Variants in STARD13 observed in about 807,000 individuals in gnomAD.
The protein encoded by STARD13 is StAR related lipid transfer domain containing 13.
In STARD13, 62 loss-of-function variants were observed where a neutral mutation model predicts 106.4. The observed-to-expected ratio is 0.58, with a 90% CI of 0.48 to 0.72. The LOEUF (loss-of-function observed/expected upper bound fraction) is 0.72. Ranked by LOEUF, STARD13 falls within the 30% of genes least tolerant of loss-of-function variation. The pLI is 0.00. For missense variants in STARD13, 1,387 were observed against 1,424.0 expected, an observed-to-expected ratio of 0.97 and a Z score of 0.42; for synonymous variants, 565 against 553.0, an observed-to-expected ratio of 1.02 and a Z score of -0.31.
At chr13:33,654,162 C>A in the STARD13 span, among the ~76,000 whole-genome samples, 1 of 152,164 alleles carries the variant, frequency 6.6e-6, no homozygotes, top group African/African-American at 2.4e-5. Flanking sequence ...CAATTCCATT[C>A]CTAAGTATGT....
chr13:33,301,568 C>CT (rs11393186), intron 1 of STARD13, among the ~76,000 whole-genome samples: 31,419 of 71,752 alleles, frequency 0.44, 4,301 homozygotes, highest in East Asian at 0.71. Flanking sequence ...CTTTTTTTTT[C>CT]TTTTTTTTTT....
chr13:33,167,635 A>G lies in STARD13; in HGVS notation c.170-13T>C. 6.2e-7 allele frequency: 1 copy of G among 1,613,800 alleles called. No homozygotes were observed. Among genetic ancestry groups the G allele is most frequent in the Non-Finnish European group, 8.5e-7 (1 of 1,179,756 alleles). ...TTTGCCTCAATTTCTGAAAAACACA[A>G]GAGAGATAAAATTGTGAGTCCCACA... On this transcript the variant is annotated splice_polypyrimidine_tract_variant and intron_variant, in intron 1 of 13. Transcript: ENST00000336934.
chr13:33,617,547 G>A, the STARD13 span, among the ~76,000 whole-genome samples: 1 of 152,114 alleles, frequency 6.6e-6, no homozygotes, highest in Non-Finnish European at 1.5e-5. Context: ...GCTTTGAAAT[G>A]ACTCAAATAA....
At chr13:33,115,968 G>T (rs1593867430) in intron 8 of STARD13, among the ~76,000 whole-genome samples, 1 of 152,334 alleles carries the variant, frequency 6.6e-6, no homozygotes, top group South Asian at 2.1e-4. Flanking sequence ...TGTACTTATT[G>T]TTTAAATGAC....
intron 1 of STARD13, among the ~76,000 whole-genome samples, chr13:33,274,312 G>T (rs954153357): frequency 6.6e-6 from 1 of 152,022 alleles, no homozygotes; most frequent in Admixed American, 6.6e-5. Flanking sequence ...CTTTACAAGA[G>T]GAGATTAAGA....
At chr13:33,157,596 T>A (rs1425264179) in intron 3 of STARD13, among the ~76,000 whole-genome samples, 1 of 152,124 alleles carries the variant, frequency 6.6e-6, no homozygotes, top group Non-Finnish European at 1.5e-5. Flanking sequence ...CTTGAACTTG[T>A]GAGGTGGAGG....
intron 7 of STARD13, among the ~76,000 whole-genome samples, chr13:33,122,544 A>G (rs1172912920): frequency 6.6e-6 from 1 of 152,234 alleles, no homozygotes; most frequent in African/African-American, 2.4e-5. Flanking sequence ...ATGGCATAAC[A>G]GGTCCTGCTG....
chr13:33,160,654 C>T (rs1457439615), intron 3 of STARD13, among the ~76,000 whole-genome samples: 2 of 151,940 alleles, frequency 1.3e-5, no homozygotes, highest in South Asian at 2.1e-4. Context: ...TAAAAGAAGA[C>T]GTATGGATGG....
chr13:33,318,764 T>C (rs532135819), intron 1 of STARD13, among the ~76,000 whole-genome samples: 144 of 152,204 alleles, frequency 9.5e-4, no homozygotes, highest in Middle Eastern at 3.4e-3. Flanking sequence ...GATTTGAATA[T>C]ACATCTTCCC....
At chr13:33,524,806 A>C in the STARD13 span, among the ~76,000 whole-genome samples, 1 of 152,098 alleles carries the variant, frequency 6.6e-6, no homozygotes, top group Non-Finnish European at 1.5e-5. Flanking sequence ...TGGTTAAATC[A>C]AGCTAATTAA....
the STARD13 span, among the ~76,000 whole-genome samples, chr13:33,668,716 T>G: frequency 1.3e-5 from 2 of 152,192 alleles, no homozygotes; most frequent in Admixed American, 1.3e-4. Context: ...AAGGCCCTAT[T>G]TTGTTAAAGC....
At chr13:33,612,937 T>A in the STARD13 span, among the ~76,000 whole-genome samples, 1 of 152,230 alleles carries the variant, frequency 6.6e-6, no homozygotes, top group African/African-American at 2.4e-5. Context: ...AGGCTCGTCT[T>A]CCAGTCATTT....
At chr13:33,596,098 C>G in the STARD13 span, among the ~76,000 whole-genome samples, 3 of 152,102 alleles carry the variant, frequency 2.0e-5, no homozygotes, top group African/African-American at 7.2e-5. Flanking sequence ...TTGTTCTCAG[C>G]TGTGATTTAT....
At chr13:33,617,565 C>G in the STARD13 span, among the ~76,000 whole-genome samples, 2 of 152,122 alleles carry the variant, frequency 1.3e-5, no homozygotes, top group Non-Finnish European at 2.9e-5. Flanking sequence ...TAATTAGGTT[C>G]AGCTCACCCA....
intron 1 of STARD13, among the ~76,000 whole-genome samples, chr13:33,187,164 T>G (rs1885841702): frequency 6.6e-6 from 1 of 152,178 alleles, no homozygotes; most frequent in African/African-American, 2.4e-5. Flanking sequence ...CGTTTCTGTT[T>G]AAGAGCATTG....
chr13:33,622,065 A>G, the STARD13 span, among the ~76,000 whole-genome samples: 5 of 152,066 alleles, frequency 3.3e-5, no homozygotes, highest in South Asian at 2.1e-4. Flanking sequence ...TTAGCCTCCC[A>G]AAGTGCTGGG....
chr13:33,648,406 C>T, the STARD13 span, among the ~76,000 whole-genome samples: 423 of 152,326 alleles, frequency 2.8e-3, 1 homozygote, highest in African/African-American at 9.3e-3. Context: ...GGGGTCAAAT[C>T]GTAGCTCTGC....
At chr13:33,122,245 G>C (rs1876445128) in intron 7 of STARD13, among the ~76,000 whole-genome samples, 1 of 152,212 alleles carries the variant, frequency 6.6e-6, no homozygotes. Flanking sequence ...GCCTCCCAAA[G>C]TGTTGGGATT....
chr13:33,252,670 C>T (rs746532038), intron 1 of STARD13, among the ~76,000 whole-genome samples: 11 of 152,288 alleles, frequency 7.2e-5, no homozygotes, highest in South Asian at 4.1e-4. Flanking sequence ...AAGAATTGCT[C>T]GAAATCACAC....
Sources: gnomAD v4.1 joint callset for allele counts (sites outside exome capture counted in the v4.1 genomes callset) on GRCh38, gnomAD v4.1.1 for gene constraint, MANE v1.5 for transcripts, NCBI Gene and HGNC (gene_info 2026-07-23, HGNC 2026-07-21) for gene names.